The following CACNA1D variants were observed in gnomAD, a reference collection of about 807,000 sequenced individuals.
CACNA1D encodes voltage-dependent L-type calcium channel subunit alpha-1D.
Under a neutral mutation model 257.1 loss-of-function variants are expected in CACNA1D, and 55 were observed. The ratio of observed to expected loss-of-function variants is 0.21; its 90% confidence interval spans 0.17 to 0.27. The LOEUF (loss-of-function observed/expected upper bound fraction) is 0.27. Among genes scored for constraint, CACNA1D ranks in the 10% least tolerant of loss-of-function variants. CACNA1D has a pLI of 1.00. For synonymous variants in CACNA1D, 980 were observed against 1,014.9 expected (o/e 0.97, Z 0.65); for missense variants, 1,876 against 2,784.0 (o/e 0.67, Z 7.34).
At chr3:53,624,566 A>G (rs954831438) in intron 3 of CACNA1D, among the ~76,000 whole-genome samples, 2 of 152,026 alleles carry the variant, frequency 1.3e-5, no homozygotes, top group African/African-American at 4.8e-5. Flanking sequence ...GTAATCACCC[A>G]TCTGGAAGGC....
intron 3 of CACNA1D, among the ~76,000 whole-genome samples, chr3:53,644,215 A>G (rs1343943824): frequency 2.6e-5 from 4 of 152,232 alleles, no homozygotes; most frequent in African/African-American, 9.6e-5. Context: ...AAATAGCTAC[A>G]TAATTAGGGT....
intron 26 of CACNA1D, among the ~76,000 whole-genome samples, chr3:53,748,003 G>T (rs2095187966): frequency 6.6e-6 from 1 of 152,168 alleles, no homozygotes; most frequent in Admixed American, 6.5e-5. Flanking sequence ...GTTAGGCACT[G>T]TGGAGGAAAC....
intron 3 of CACNA1D, among the ~76,000 whole-genome samples, chr3:53,597,321 T>G (rs2093383200): frequency 6.6e-6 from 1 of 152,146 alleles, no homozygotes; most frequent in Non-Finnish European, 1.5e-5. Flanking sequence ...ATAGCTGGGA[T>G]GGAAGAAAAT....
chr3:53,515,899 T>A (rs1194971355), intron 3 of CACNA1D, among the ~76,000 whole-genome samples: 1 of 152,200 alleles, frequency 6.6e-6, no homozygotes, highest in Non-Finnish European at 1.5e-5. Flanking sequence ...TTCTCAGGCA[T>A]TTAGGCTCTG....
chr3:53,810,792 A>AAAAAAAAAAAAAAAAC, intron 47 of CACNA1D, among the ~76,000 whole-genome samples: 1 of 147,674 alleles, frequency 6.8e-6, no homozygotes, highest in East Asian at 2.0e-4. Flanking sequence ...AAAAACAAAA[A>AAAAAAAAAAAAAAAAC]CTGGTCACCA....
chr3:53,777,822 A>G (rs2095406314), intron 37 of CACNA1D, among the ~76,000 whole-genome samples: 1 of 152,244 alleles, frequency 6.6e-6, no homozygotes, highest in Admixed American at 6.5e-5. Flanking sequence ...TTCCTTCCAC[A>G]GAACTCACGG....
rs147389354 is a variant in CACNA1D, at chr3:53,502,895, T to C, written c.483+1175T>C. Reference sequence around the variant, plus strand: ...AAACTCTATTGTTTTTCTTCTCTTCTCTTAGCTGGTTCCGTTTGTTTTTGG... The same window carrying C: ...AAACTCTATTGTTTTTCTTCTCTTCCCTTAGCTGGTTCCGTTTGTTTTTGG... On this transcript the variant is annotated intron_variant, in intron 3 of 47. Coordinates refer to ENST00000350061, the MANE Select transcript of CACNA1D (RefSeq NM_001128840.3). Among the ~76,000 whole-genome samples the C allele has an allele frequency of 3.4e-3, 512 of 152,302 alleles. 1 individual carries two copies. Among genetic ancestry groups the C allele is most frequent in the Admixed American group, 6.6e-3 (101 of 15,296 alleles).
chr3:53,529,094 A>G (rs2091862449), intron 3 of CACNA1D, among the ~76,000 whole-genome samples: 1 of 152,202 alleles, frequency 6.6e-6, no homozygotes, highest in Non-Finnish European at 1.5e-5. Context: ...CTTCTTCTTG[A>G]ACTCAGAAAG....
In CACNA1D at chr3:53,777,084, G is replaced by A. The variant is rs1320066505; in HGVS notation, c.4587+128G>A. 3 of 743,466 alleles carry A rather than the reference G, an allele frequency of 4.0e-6. No individual in the cohort carries two copies. The African/African-American group carries it at 5.2e-5, about 13-fold the overall frequency. 46.1% of individuals were successfully genotyped at this position (743,466 alleles called of 1,614,324 possible). A position where few individuals can be genotyped will look rare whatever the true frequency, so the allele number is the denominator to read the frequency against. Reference sequence around the variant, plus strand: ...GGGATGCAGCAATGAATAATATGTGGTTCCTACCTCTGGGGAAATCTCAGA... The same window carrying A: ...GGGATGCAGCAATGAATAATATGTGATTCCTACCTCTGGGGAAATCTCAGA... On this transcript the variant is annotated intron_variant, in intron 37 of 47. Coordinates refer to ENST00000350061, the MANE Select transcript of CACNA1D (RefSeq NM_001128840.3).
intron 3 of CACNA1D, among the ~76,000 whole-genome samples, chr3:53,617,578 A>G (rs1559923311): frequency 6.6e-6 from 1 of 152,216 alleles, no homozygotes. Flanking sequence ...ATGAGGTATG[A>G]CATTGTAATT....
Position 53,686,781 on chromosome 3 carries a change from A to G in CACNA1D, c.1220+13655A>G, listed in dbSNP as rs114161175. On this transcript the variant is annotated intron_variant, in intron 8 of 47. Coordinates refer to ENST00000350061, the MANE Select transcript of CACNA1D (RefSeq NM_001128840.3). ...CCATTTTTCTATCTTCTTTTATTCA[A>G]TGTTTTATTGAAAGTCTGAAGGTAA... 7.5e-3 allele frequency among the ~76,000 whole-genome samples: 1,139 copies of G among 152,178 alleles called. 11 individuals carry two copies. The highest frequency in any genetic ancestry group is 0.026 in the African/African-American group (1,072 of 41,570).
chr3:53,659,758 A>G (rs933418078), intron 4 of CACNA1D, among the ~76,000 whole-genome samples: 2 of 152,230 alleles, frequency 1.3e-5, no homozygotes, highest in Admixed American at 6.5e-5. Flanking sequence ...TAATGTGACA[A>G]TGTATGTGCA....
chr3:53,731,862 A>G (rs772731227), intron 17 of CACNA1D, among the ~76,000 whole-genome samples, 154 bp from the exon 18 acceptor site: 2 of 152,368 alleles, frequency 1.3e-5, no homozygotes, highest in Admixed American at 6.5e-5. Context: ...CAGAATCACC[A>G]TCTGGGGACA....
At chr3:53,662,535 G>GC (rs1183186295) in intron 5 of CACNA1D, among the ~76,000 whole-genome samples, 6 of 152,166 alleles carry the variant, frequency 3.9e-5, no homozygotes, top group Non-Finnish European at 5.9e-5. Flanking sequence ...TGGTCTACCT[G>GC]CATCTTTTAG....
chr3:53,800,237 T>C lies in CACNA1D; in HGVS notation c.4924-12T>C. On this transcript the variant is annotated splice_polypyrimidine_tract_variant and intron_variant, in intron 40 of 47. Transcript: ENST00000350061. The surrounding 1 kb of genome is among the most constrained non-coding windows in gnomAD (Gnocchi z 4.3). The stretch of plus-strand genomic sequence containing the variant: ...TGTGGTCTAACCTGTTCTGCCATTT[T>C]CATTGATCTAGGCGGGATTAAGGAC... 6.3e-7 allele frequency: 1 copy of C among 1,593,998 alleles called. No homozygotes were observed. The highest frequency in any genetic ancestry group is 1.3e-5 in the African/African-American group (1 of 74,672).
At chr3:53,810,706 C>T (rs1466839596) in intron 47 of CACNA1D, 6 of 253,472 alleles carry the variant, frequency 2.4e-5, no homozygotes, top group South Asian at 8.1e-5. Flanking sequence ...TGCAGTGAGC[C>T]GAGATCACAC....
intron 3 of CACNA1D, among the ~76,000 whole-genome samples, chr3:53,635,523 C>T (rs2093872921): frequency 6.6e-6 from 1 of 152,138 alleles, no homozygotes; most frequent in African/African-American, 2.4e-5. Flanking sequence ...TCCCTTTTTT[C>T]TCTGTCCAGC....
intron 29 of CACNA1D, among the ~76,000 whole-genome samples, chr3:53,754,308 T>TC (rs1392815735): frequency 1.3e-5 from 2 of 152,198 alleles, no homozygotes; most frequent in Non-Finnish European, 2.9e-5. Context: ...TGAATTCAGT[T>TC]CCCCACTTGT....
At chr3:53,700,475 G>C (rs541657292) in intron 8 of CACNA1D, among the ~76,000 whole-genome samples, 1 of 152,288 alleles carries the variant, frequency 6.6e-6, no homozygotes, top group African/African-American at 2.4e-5. Flanking sequence ...ATTGAGTTGT[G>C]ATTTTTTCAG....
Sources: allele counts gnomAD v4.1 joint callset (sites outside exome capture counted in the v4.1 genomes callset), GRCh38; gene constraint gnomAD v4.1.1; non-coding constraint Gnocchi (gnomAD v3.1); transcripts MANE v1.5; gene names NCBI Gene and HGNC (gene_info 2026-07-23, HGNC 2026-07-21).